TTC28: variants seen among roughly 807,000 people sequenced by gnomAD.
The protein encoded by TTC28 is tetratricopeptide repeat domain 28, also known as tetratricopeptide repeat protein 28.
Under a neutral mutation model 198.0 loss-of-function variants are expected in TTC28, and 61 were observed. That is an observed-to-expected ratio of 0.31 (90% CI 0.25 to 0.38). The LOEUF (loss-of-function observed/expected upper bound fraction) is 0.38. Ranked by LOEUF, TTC28 falls within the 10% of genes least tolerant of loss-of-function variation. The probability of loss-of-function intolerance (pLI) is 1.00; values close to 1 mark genes in which losing one functional copy is unlikely to be tolerated. For missense variants in TTC28, 2,678 were observed against 3,164.0 expected (o/e 0.85, Z 3.69); for synonymous variants, 1,171 against 1,297.8 (o/e 0.90, Z 2.10).
chr22:28,295,145 C>CT (rs1451907578), intron 5 of TTC28, among the ~76,000 whole-genome samples: 3 of 152,152 alleles, frequency 2.0e-5, no homozygotes, highest in African/African-American at 4.8e-5. Context: ...CTTCAATAGT[C>CT]TGTTTTGGTG....
intron 5 of TTC28, among the ~76,000 whole-genome samples, chr22:28,266,967 C>G (rs1931724303): frequency 6.6e-6 from 1 of 152,096 alleles, no homozygotes. Flanking sequence ...CCACTGTTCT[C>G]CAGGTGTTTA....
chr22:28,677,189 T>A (rs1221017718), intron 1 of TTC28, among the ~76,000 whole-genome samples: 6 of 109,174 alleles, frequency 5.5e-5, no homozygotes, highest in South Asian at 2.6e-4. Flanking sequence ...TATATATATA[T>A]ATATATATAT....
chr22:28,447,837 C>A (rs1206683956), intron 2 of TTC28, among the ~76,000 whole-genome samples: 8 of 152,050 alleles, frequency 5.3e-5, no homozygotes, highest in Non-Finnish European at 1.2e-4. Context: ...TCCTTTGGGT[C>A]GCTTATTTGT....
Position 28,107,481 on chromosome 22 carries a change from A to G in TTC28, c.2364T>C (p.Ser788=), listed in dbSNP as rs1942342921. The change falls in exon 7 of 23, where the codon AGT becomes AGC. Residue 788 remains serine (S), a synonymous_variant. Coordinates refer to ENST00000397906, the MANE Select transcript of TTC28 (RefSeq NM_001145418.2). Reference sequence around the variant, plus strand: ...GAGCTCTGCACTCCCCTGGCAAGTCACTCAGCTCCTGATATACCTCCAGTT... The same window carrying G: ...GAGCTCTGCACTCCCCTGGCAAGTCGCTCAGCTCCTGATATACCTCCAGTT... ...TQELEVYQEL[S]DLPGECRAHG... The G allele has an allele frequency of 6.4e-7, 1 of 1,551,500 alleles. No homozygotes were observed.
chr22:28,304,334 A>C (rs1342934600), intron 3 of TTC28, among the ~76,000 whole-genome samples: 2 of 152,170 alleles, frequency 1.3e-5, no homozygotes, highest in Non-Finnish European at 2.9e-5. Flanking sequence ...TGTCAATTAC[A>C]ACCATATGAC....
chr22:28,591,028 CACACACACACACATAT>C lies in TTC28; in HGVS notation c.381+38508_381+38523del, dbSNP rs1235049928. ...CCTCAAACACACACACACACACACA[CACACACACACACATAT>C]ATATATATATATATATATATATATA... On this transcript the variant is annotated intron_variant, in intron 2 of 22. Transcript: ENST00000397906. Among the ~76,000 whole-genome samples the C allele has an allele frequency of 3.3e-3, 254 of 77,178 alleles. 1 individual carries two copies. The highest frequency in any genetic ancestry group is 7.0e-3 in the South Asian group (14 of 1,998). The allele number at this position is 77,178 out of a possible 152,430, so 50.6% of individuals were successfully genotyped here. A position where few individuals can be genotyped will look rare whatever the true frequency, so the allele number is the denominator to read the frequency against.
At chr22:28,367,094 T>C (rs1016685711) in intron 2 of TTC28, among the ~76,000 whole-genome samples, 1 of 151,958 alleles carries the variant, frequency 6.6e-6, no homozygotes, top group Non-Finnish European at 1.5e-5. Context: ...ATAGACATAA[T>C]AGATATTTAC....
At chr22:28,428,577 C>T (rs2047383956) in intron 2 of TTC28, among the ~76,000 whole-genome samples, 2 of 151,866 alleles carry the variant, frequency 1.3e-5, no homozygotes, top group Non-Finnish European at 1.5e-5. Flanking sequence ...TCTGAATCTG[C>T]ATCCCCCAAG....
chr22:27,999,270 G>C lies in TTC28; in HGVS notation c.4399-10C>G. On this transcript the variant is annotated splice_polypyrimidine_tract_variant and intron_variant, in intron 15 of 22. Transcript: ENST00000397906. ...TCTTCCGTAAGTGAGACTAGGAGGGGAGGGGACAAAGCAGACCACCCGTCA... is the reference window on the plus strand; with the variant it reads ...TCTTCCGTAAGTGAGACTAGGAGGGCAGGGGACAAAGCAGACCACCCGTCA... The C allele has an allele frequency of 2.6e-6, 4 of 1,541,450 alleles. No individual in the cohort carries two copies. The highest frequency in any genetic ancestry group is 3.5e-6 in the Non-Finnish European group (4 of 1,141,978).
intron 2 of TTC28, among the ~76,000 whole-genome samples, chr22:28,586,836 C>A (rs373268104): frequency 9.9e-5 from 15 of 152,144 alleles, no homozygotes; most frequent in Non-Finnish European, 1.5e-4. Flanking sequence ...GATATCTATA[C>A]AATTTTCAGC....
At chr22:28,284,103 G>T (rs2044635413) in intron 5 of TTC28, among the ~76,000 whole-genome samples, 1 of 152,154 alleles carries the variant, frequency 6.6e-6, no homozygotes, top group African/African-American at 2.4e-5. Context: ...AATACCATAG[G>T]AGGTTTGCCA....
intron 12 of TTC28, among the ~76,000 whole-genome samples, chr22:28,083,755 T>C (rs1941452063): frequency 6.6e-6 from 1 of 152,170 alleles, no homozygotes; most frequent in South Asian, 2.1e-4. Flanking sequence ...GGAATTCCCT[T>C]TCCTAGTCAA....
chr22:28,415,129 T>G (rs1471215717), intron 2 of TTC28, among the ~76,000 whole-genome samples: 2 of 151,948 alleles, frequency 1.3e-5, no homozygotes, highest in African/African-American at 4.8e-5. Context: ...CATAGGAAAA[T>G]GATCAAGCAA....
chr22:28,196,650 A>T (rs1308560800), intron 5 of TTC28, among the ~76,000 whole-genome samples: 2 of 152,236 alleles, frequency 1.3e-5, no homozygotes, highest in African/African-American at 4.8e-5. Context: ...ACACTTCTCA[A>T]AAGAAGACAT....
chr22:28,371,349 A>G (rs1028557576), intron 2 of TTC28, among the ~76,000 whole-genome samples: 3 of 143,888 alleles, frequency 2.1e-5, no homozygotes, highest in African/African-American at 7.6e-5. Flanking sequence ...AGTACTACCA[A>G]AAAAAAAAAA....
intron 5 of TTC28, among the ~76,000 whole-genome samples, chr22:28,238,601 G>T (rs1929427774): frequency 6.6e-6 from 1 of 152,130 alleles, no homozygotes; most frequent in African/African-American, 2.4e-5. Flanking sequence ...GATGAGTTGA[G>T]CATAGCCTTT....
chr22:28,541,219 T>C (rs768978885), intron 2 of TTC28, among the ~76,000 whole-genome samples: 7 of 152,138 alleles, frequency 4.6e-5, no homozygotes, highest in Non-Finnish European at 7.4e-5. Flanking sequence ...AACTGAACAA[T>C]AGGCAGCACA....
chr22:27,984,358 T>C (rs1374190510), intron 22 of TTC28, among the ~76,000 whole-genome samples: 2 of 152,076 alleles, frequency 1.3e-5, no homozygotes, highest in Non-Finnish European at 2.9e-5. Context: ...ATCATTCTTA[T>C]AAAGGTCACC....
intron 6 of TTC28, among the ~76,000 whole-genome samples, chr22:28,151,552 A>G (rs1249992449): frequency 6.6e-6 from 1 of 152,216 alleles, no homozygotes; most frequent in Non-Finnish European, 1.5e-5. Context: ...GCTGGGTGAC[A>G]AATCTTGACC....
Sources: gnomAD v4.1 joint callset for allele counts (sites outside exome capture counted in the v4.1 genomes callset) on GRCh38, gnomAD v4.1.1 for gene constraint, MANE v1.5 for transcripts, NCBI Gene and HGNC (gene_info 2026-07-23, HGNC 2026-07-21) for gene names.